The following DLG2 variants were observed in gnomAD, a reference collection of about 807,000 sequenced individuals.
DLG2 encodes the protein discs large MAGUK scaffold protein 2, also known as disks large homolog 2.
DLG2 carries 45 observed loss-of-function variants against 132.5 expected under a neutral mutation model. The observed-to-expected ratio is 0.34, with a 90% CI of 0.27 to 0.44. DLG2 has a LOEUF of 0.44. Among genes scored for constraint, DLG2 ranks in the 20% least tolerant of loss-of-function variants. The probability of loss-of-function intolerance (pLI) is 1.00; values close to 1 mark genes in which losing one functional copy is unlikely to be tolerated. For synonymous variants in DLG2, 424 were observed against 419.6 expected, an observed-to-expected ratio of 1.01 and a Z score of -0.13; for missense variants, 1,045 against 1,196.9, an observed-to-expected ratio of 0.87 and a Z score of 1.87.
intron 21 of DLG2, among the ~76,000 whole-genome samples, chr11:83,516,019 G>A (rs2140191408): frequency 6.6e-6 from 1 of 152,298 alleles, no homozygotes; most frequent in South Asian, 2.1e-4. Context: ...GGGGTGGAGA[G>A]TTCTGTAGAT....
intron 15 of DLG2, among the ~76,000 whole-genome samples, chr11:83,877,828 G>T (rs1051027822): frequency 5.3e-5 from 8 of 152,320 alleles, no homozygotes; most frequent in African/African-American, 1.9e-4. Context: ...ATACTTGCAG[G>T]AGGGATGCTT....
At chr11:83,720,949 G>A (rs2088368741) in intron 18 of DLG2, 1 of 152,084 alleles carries the variant, frequency 6.6e-6, no homozygotes, top group African/African-American at 2.4e-5. Flanking sequence ...TGAGTATCTG[G>A]GGGTGAATCA....
At chr11:83,887,631 G>A (rs1247903131) in intron 15 of DLG2, among the ~76,000 whole-genome samples, 7 of 151,870 alleles carry the variant, frequency 4.6e-5, no homozygotes, top group Non-Finnish European at 1.0e-4. Context: ...CCAAAGCCAG[G>A]CAGAGACACA....
At chr11:84,354,517 G>GA (rs1251983572) in intron 7 of DLG2, among the ~76,000 whole-genome samples, 8 of 152,038 alleles carry the variant, frequency 5.3e-5, no homozygotes, top group Non-Finnish European at 2.9e-5. Context: ...TCAGGGATGA[G>GA]AAAAATGCTA....
At chr11:84,249,590 G>A (rs1197587488) in intron 8 of DLG2, among the ~76,000 whole-genome samples, 1 of 152,192 alleles carries the variant, frequency 6.6e-6, no homozygotes, top group Admixed American at 6.5e-5. Flanking sequence ...GGATTGTTAT[G>A]AGGATTAAAT....
At chr11:84,584,676 T>C (rs2099524979) in intron 6 of DLG2, among the ~76,000 whole-genome samples, 5 of 12,476 alleles carry the variant, frequency 4.0e-4, no homozygotes, top group African/African-American at 9.7e-4. Context: ...CAGCATTCCT[T>C]TTTTTTTTTT....
At chr11:84,948,476 G>T (rs1355267115) in intron 6 of DLG2, among the ~76,000 whole-genome samples, 3 of 152,236 alleles carry the variant, frequency 2.0e-5, no homozygotes, top group African/African-American at 7.2e-5. Context: ...TCAACTGAAA[G>T]CAGGGATTCT....
At chr11:84,407,210 G>T (rs1168485147) in intron 7 of DLG2, among the ~76,000 whole-genome samples, 1 of 152,100 alleles carries the variant, frequency 6.6e-6, no homozygotes, top group Non-Finnish European at 1.5e-5. Flanking sequence ...AAACCTGGAA[G>T]TCTGTCTCGC....
chr11:85,495,096 T>C (rs941063807), intron 3 of DLG2, among the ~76,000 whole-genome samples: 7 of 152,090 alleles, frequency 4.6e-5, no homozygotes, highest in Non-Finnish European at 2.9e-5. Context: ...AAAGAGATTA[T>C]TAACCTCACT....
intron 3 of DLG2, among the ~76,000 whole-genome samples, chr11:85,444,325 C>T (rs1300891867): frequency 6.6e-6 from 1 of 152,112 alleles, no homozygotes; most frequent in Non-Finnish European, 1.5e-5. Flanking sequence ...TTGACCACGA[C>T]ATTTGCAGCT....
intron 7 of DLG2, among the ~76,000 whole-genome samples, chr11:84,357,332 T>C (rs1201544427): frequency 6.6e-6 from 1 of 152,024 alleles, no homozygotes. Flanking sequence ...ACATAATGTA[T>C]CAAAAGGCAC....
intron 4 of DLG2, among the ~76,000 whole-genome samples, chr11:85,257,844 AT>A (rs1435377334): frequency 2.0e-5 from 3 of 152,206 alleles, no homozygotes; most frequent in African/African-American, 7.2e-5. Flanking sequence ...ATATAATATC[AT>A]TTCATCCTTT....
chr11:85,437,807 A>G (rs1052172330), intron 3 of DLG2, among the ~76,000 whole-genome samples: 1 of 152,208 alleles, frequency 6.6e-6, no homozygotes, highest in African/African-American at 2.4e-5. Context: ...AAGAAAAAAT[A>G]AAGTAAAATA....
chr11:84,173,272 C>T (rs1318061008), intron 8 of DLG2, among the ~76,000 whole-genome samples: 1 of 152,204 alleles, frequency 6.6e-6, no homozygotes, highest in Admixed American at 6.5e-5. Flanking sequence ...AATGCATTCA[C>T]TTGGCTCCAG....
chr11:83,671,327 G>A (rs1347191890), intron 18 of DLG2, among the ~76,000 whole-genome samples: 1 of 152,162 alleles, frequency 6.6e-6, no homozygotes, highest in African/African-American at 2.4e-5. Flanking sequence ...GATGAATGTA[G>A]GGGAAATCAA....
At chr11:83,813,396 TA>T (rs200272653) in intron 17 of DLG2, among the ~76,000 whole-genome samples, 1 of 152,218 alleles carries the variant, frequency 6.6e-6, no homozygotes. Context: ...TGAGATTTGA[TA>T]AAAAAATTCC....
chr11:83,967,726 A>AG (rs760611878), intron 12 of DLG2, among the ~76,000 whole-genome samples: 10 of 152,166 alleles, frequency 6.6e-5, no homozygotes, highest in Non-Finnish European at 1.3e-4. Context: ...TTTGAATTTA[A>AG]TGTAGTCCTA....
intron 6 of DLG2, among the ~76,000 whole-genome samples, chr11:85,047,274 G>A (rs529689075): frequency 6.6e-6 from 1 of 151,858 alleles, no homozygotes; most frequent in East Asian, 1.9e-4. Flanking sequence ...AAGTACCTTG[G>A]GCATTTCATT....
chr11:84,865,197 C>G (rs75256246), intron 6 of DLG2, among the ~76,000 whole-genome samples: 10,678 of 152,202 alleles, frequency 0.07, 544 homozygotes, highest in Non-Finnish European at 0.1. Flanking sequence ...CTGACTCTTG[C>G]TGTATCCGTG....
Sources: gnomAD v4.1 joint callset for allele counts (sites outside exome capture counted in the v4.1 genomes callset) on GRCh38, gnomAD v4.1.1 for gene constraint, MANE v1.5 for transcripts, NCBI Gene and HGNC (gene_info 2026-07-23, HGNC 2026-07-21) for gene names.